The following CSE1L variants were observed in gnomAD, a reference collection of about 807,000 sequenced individuals.
CSE1L encodes the protein chromosome segregation 1 like.
Under a neutral mutation model 120.4 loss-of-function variants are expected in CSE1L, and 24 were observed. The observed-to-expected ratio is 0.20, with a 90% CI of 0.14 to 0.28. CSE1L has a LOEUF of 0.28. CSE1L is among the 10% of genes least tolerant of loss of function. CSE1L has a pLI of 1.00. For synonymous variants in CSE1L, 402 were observed against 398.3 expected (o/e 1.01, Z -0.11); for missense variants, 830 against 1,145.2 (o/e 0.72, Z 3.97).
chr20:49,092,289 A>G (rs1451155160), intron 22 of CSE1L, among the ~76,000 whole-genome samples, 162 bp downstream of exon 22: 12 of 152,240 alleles, frequency 7.9e-5, no homozygotes, highest in East Asian at 5.8e-4. Flanking sequence ...AAGAAAAAGT[A>G]ATCCTGGCCC....
At chr20:49,089,470 C>T (rs764271117) in intron 18 of CSE1L, 68 bp from the exon 19 acceptor site, 55 of 1,592,752 alleles carry the variant, frequency 3.5e-5, no homozygotes, top group Middle Eastern at 1.7e-4. Context: ...CCCACCTAAG[C>T]GATGTGGGCC....
At chr20:49,070,155 G>A (rs1346489080) in intron 7 of CSE1L, 50 bp from the exon 8 acceptor site, 1 of 836,524 alleles carries the variant, frequency 1.2e-6, no homozygotes, top group Non-Finnish European at 1.9e-6. Context: ...TATAAAAGTG[G>A]TGTTCTTAAT....
rs145901767 is a variant in CSE1L at position 49,084,128 on chromosome 20, C to T, written c.1585C>T (p.Leu529Phe). 3.7e-5 allele frequency: 60 copies of T among 1,613,938 alleles called. No homozygotes were observed. Among genetic ancestry groups the T allele is most frequent in the Non-Finnish European group, 4.9e-5 (58 of 1,179,994 alleles). Residue 529 changes from leucine (L) to phenylalanine (F), a missense_variant, in exon 15 of 25, where the codon CTC becomes TTC. Leu to Phe is a conservative substitution (Grantham distance 22). Coordinates refer to ENST00000262982, the MANE Select transcript of CSE1L (RefSeq NM_001316.4). Reference protein sequence around the residue: ...HTYAAHALERLFTMRGPNNAT... With the variant: ...HTYAAHALERFFTMRGPNNAT... ...TTACGCAGCTCATGCTCTTGAACGG[C>T]TCTTTACTATGCGAGGGCCTAACAA...
chr20:49,080,094 G>C (rs1239040832), intron 14 of CSE1L, among the ~76,000 whole-genome samples: 2 of 152,060 alleles, frequency 1.3e-5, no homozygotes, highest in Non-Finnish European at 2.9e-5. Context: ...AGGGTCTCCT[G>C]AAGTTTATGT....
intron 8 of CSE1L, among the ~76,000 whole-genome samples, chr20:49,071,355 G>C (rs1382504992): frequency 6.6e-6 from 1 of 152,186 alleles, no homozygotes; most frequent in African/African-American, 2.4e-5. Flanking sequence ...TCACACAAAA[G>C]TCACAAGGAA....
intron 1 of CSE1L, among the ~76,000 whole-genome samples, chr20:49,047,564 C>CTCTTTTCT (rs2091726745): frequency 1.4e-5 from 1 of 69,928 alleles, no homozygotes; most frequent in Non-Finnish European, 2.6e-5. Context: ...TTTCTCTTTT[C>CTCTTTTCT]TTTTTTTTTT....
At chr20:49,089,010 G>C (rs566823725) in intron 17 of CSE1L, among the ~76,000 whole-genome samples, 26 of 152,178 alleles carry the variant, frequency 1.7e-4, no homozygotes, top group African/African-American at 6.3e-4. Flanking sequence ...CTTAAGACAA[G>C]TTACAGCTCT....
At chr20:49,095,771 T>C (rs527904716) in intron 24 of CSE1L, among the ~76,000 whole-genome samples, 270 of 152,244 alleles carry the variant, frequency 1.8e-3, no homozygotes, top group Middle Eastern at 3.4e-3. Flanking sequence ...TTTATGCCTG[T>C]AGTTCTAGTG....
intron 1 of CSE1L, 111 bp from the exon 2 acceptor site, chr20:49,058,342 A>G (rs2091825482): frequency 9.2e-6 from 6 of 651,784 alleles, no homozygotes; most frequent in Non-Finnish European, 1.5e-5. Flanking sequence ...ATAAAAAACA[A>G]CAGATGGATG....
intron 7 of CSE1L, among the ~76,000 whole-genome samples, chr20:49,069,653 TAAATG>T (rs2091917866): frequency 6.6e-6 from 1 of 152,232 alleles, no homozygotes; most frequent in African/African-American, 2.4e-5. Flanking sequence ...AGTTCTTACT[TAAATG>T]AGTACTACTA....
chr20:49,069,404 C>T (rs964735937), intron 7 of CSE1L, among the ~76,000 whole-genome samples: 7 of 152,166 alleles, frequency 4.6e-5, no homozygotes, highest in Admixed American at 3.9e-4. Flanking sequence ...ATTCAAGATT[C>T]AGGACCAAGA....
At chr20:49,094,372 C>A in intron 23 of CSE1L, 86 bp downstream of exon 23, 2 of 1,303,488 alleles carry the variant, frequency 1.5e-6, no homozygotes, top group East Asian at 2.3e-5. Flanking sequence ...CTCTTGGGGG[C>A]CAAGAGAATC....
At chr20:49,094,103 T>A in intron 22 of CSE1L, 37 bp from the exon 23 acceptor site, 2 of 1,255,420 alleles carry the variant, frequency 1.6e-6, no homozygotes, top group South Asian at 2.7e-5. Context: ...ATTATAGTGA[T>A]AATCTAATAT....
At chr20:49,092,366 G>A (rs1386206956) in intron 22 of CSE1L, among the ~76,000 whole-genome samples, 2 of 151,958 alleles carry the variant, frequency 1.3e-5, no homozygotes, top group Non-Finnish European at 2.9e-5. Flanking sequence ...TAGCTCAGGA[G>A]TTTGAGACCA....
chr20:49,055,546 A>G (rs2091799887), intron 1 of CSE1L, among the ~76,000 whole-genome samples: 1 of 152,068 alleles, frequency 6.6e-6, no homozygotes, highest in Non-Finnish European at 1.5e-5. Flanking sequence ...GTGAAACCCC[A>G]TCTCTACAAA....
At chr20:49,072,480 T>G in intron 9 of CSE1L, 27 bp downstream of exon 9, 1 of 1,610,188 alleles carries the variant, frequency 6.2e-7, no homozygotes, top group Non-Finnish European at 8.5e-7. Context: ...GACAAATAAT[T>G]AAAAGACATT....
intron 17 of CSE1L, 21 bp from the exon 18 acceptor site, chr20:49,089,226 G>GTT (rs3092348): frequency 1.3e-4 from 177 of 1,319,302 alleles, no homozygotes; most frequent in African/African-American, 4.5e-4. Context: ...GCATAATTAG[G>GTT]TTTTTTTTTT....
chr20:49,052,144 A>G (rs1361848295), intron 1 of CSE1L, among the ~76,000 whole-genome samples: 2 of 152,216 alleles, frequency 1.3e-5, no homozygotes, highest in African/African-American at 2.4e-5. Flanking sequence ...CTGAAGGGAT[A>G]GTCTCCAGTC....
intron 15 of CSE1L, 103 bp downstream of exon 15, chr20:49,084,265 T>C: frequency 5.9e-6 from 7 of 1,195,870 alleles, no homozygotes; most frequent in Non-Finnish European, 8.1e-6. Flanking sequence ...GGAAAACAAA[T>C]GTCTGCTTTC....
Sources: gnomAD v4.1 joint callset for allele counts (sites outside exome capture counted in the v4.1 genomes callset) on GRCh38, gnomAD v4.1.1 for gene constraint, MANE v1.5 for transcripts, NCBI Gene and HGNC (gene_info 2026-07-23, HGNC 2026-07-21) for gene names.